Variants in NDUFAF2 observed in about 807,000 individuals in gnomAD.
NDUFAF2 encodes the protein NADH dehydrogenase [ubiquinone] 1 alpha subcomplex assembly factor 2.
In NDUFAF2, 13 loss-of-function variants were observed where a neutral mutation model predicts 22.8. The ratio of observed to expected loss-of-function variants is 0.57; its 90% CI spans 0.37 to 0.91. NDUFAF2 has a LOEUF of 0.91. NDUFAF2 is among the 40% of genes least tolerant of loss of function. The pLI is 0.01. For synonymous variants in NDUFAF2, 53 were observed against 64.2 expected (o/e 0.83, Z 0.84); for missense variants, 162 against 195.2 (o/e 0.83, Z 1.01).
chr5:61,119,174 G>T (rs188822807), intron 3 of NDUFAF2, among the ~76,000 whole-genome samples: 62 of 152,252 alleles, frequency 4.1e-4, no homozygotes, highest in African/African-American at 1.4e-3. Flanking sequence ...TGTGCATACA[G>T]AACGAATCAG....
chr5:60,986,709 T>C (rs1158399422), intron 1 of NDUFAF2, among the ~76,000 whole-genome samples: 1 of 151,998 alleles, frequency 6.6e-6, no homozygotes, highest in Non-Finnish European at 1.5e-5. Flanking sequence ...GGTGGGCAGA[T>C]CACAGGGTCA....
chr5:61,133,118 C>T (rs556526915), intron 3 of NDUFAF2, among the ~76,000 whole-genome samples: 14 of 152,266 alleles, frequency 9.2e-5, no homozygotes, highest in Admixed American at 6.5e-4. Context: ...AACCTCTTTC[C>T]AAGTTTTGGT....
At chr5:60,949,188 T>C (rs1366273287) in intron 1 of NDUFAF2, among the ~76,000 whole-genome samples, 1 of 152,210 alleles carries the variant, frequency 6.6e-6, no homozygotes, top group Non-Finnish European at 1.5e-5. Flanking sequence ...AACTCCCTCA[T>C]GCTACCTTTT....
intron 1 of NDUFAF2, among the ~76,000 whole-genome samples, chr5:61,036,692 C>T (rs771705024): frequency 6.6e-6 from 1 of 152,140 alleles, no homozygotes; most frequent in Non-Finnish European, 1.5e-5. Context: ...TTACCATTTC[C>T]AGTGCTGAAA....
chr5:61,143,032 G>C (rs1741080964), intron 3 of NDUFAF2, among the ~76,000 whole-genome samples: 1 of 152,126 alleles, frequency 6.6e-6, no homozygotes, highest in African/African-American at 2.4e-5. Context: ...CATTTGCTAG[G>C]CTTGAATTGT....
At position 60,981,391 on chromosome 5, in the gene NDUFAF2, G is replaced by T. The variant is rs1055773302; in HGVS notation, c.127+36009G>T. ...ACTTTCCCAGGCAAAATACCTGAGG[G>T]ACTTCATTGATCTCAGACCTGTTGT... On this transcript the variant is annotated intron_variant, in intron 1 of 3. Coordinates refer to ENST00000296597, the MANE Select transcript of NDUFAF2 (RefSeq NM_174889.5). Among the ~76,000 whole-genome samples, 6 of 152,306 alleles carry T rather than the reference G, an allele frequency of 3.9e-5. No individual in the cohort carries two copies. In the East Asian group the frequency reaches 1.2e-3, roughly 29 times the overall value.
chr5:61,028,545 CTG>C (rs1347428390), intron 1 of NDUFAF2, among the ~76,000 whole-genome samples: 15 of 152,214 alleles, frequency 9.9e-5, no homozygotes, highest in African/African-American at 3.6e-4. Flanking sequence ...TTGTTAATAA[CTG>C]CATATTTTCC....
At chr5:60,951,368 A>G (rs1750545793) in intron 1 of NDUFAF2, among the ~76,000 whole-genome samples, 1 of 152,144 alleles carries the variant, frequency 6.6e-6, no homozygotes, top group African/African-American at 2.4e-5. Flanking sequence ...ATTCTGTTGT[A>G]TGGTTAGAAC....
chr5:60,964,211 T>C (rs1249084719), intron 1 of NDUFAF2, among the ~76,000 whole-genome samples: 4 of 152,156 alleles, frequency 2.6e-5, no homozygotes, highest in Non-Finnish European at 2.9e-5. Context: ...TCACATACTT[T>C]CCCCAAATCA....
At chr5:61,135,360 CAAG>C (rs943654589) in intron 3 of NDUFAF2, among the ~76,000 whole-genome samples, 2 of 152,062 alleles carry the variant, frequency 1.3e-5, no homozygotes, top group Non-Finnish European at 1.5e-5. Flanking sequence ...GCAAAGAAAC[CAAG>C]AAGATTATGT....
chr5:61,086,491 C>A (rs1423959215), intron 2 of NDUFAF2, among the ~76,000 whole-genome samples: 3 of 152,032 alleles, frequency 2.0e-5, no homozygotes, highest in African/African-American at 7.2e-5. Flanking sequence ...CAGGAATTTT[C>A]TCACACTTAT....
intron 2 of NDUFAF2, among the ~76,000 whole-genome samples, chr5:61,085,899 G>C (rs893675769): frequency 6.6e-6 from 1 of 152,086 alleles, no homozygotes; most frequent in South Asian, 2.1e-4. Flanking sequence ...AGGATCACTT[G>C]AGGCCAGGAC....
chr5:60,979,975 C>T (rs1312791068), intron 1 of NDUFAF2, among the ~76,000 whole-genome samples: 1 of 151,996 alleles, frequency 6.6e-6, no homozygotes, highest in African/African-American at 2.4e-5. Context: ...CACAGAGACT[C>T]TGTTAAGGGA....
At chr5:60,986,411 T>G (rs978671465) in intron 1 of NDUFAF2, among the ~76,000 whole-genome samples, 8 of 152,160 alleles carry the variant, frequency 5.3e-5, no homozygotes, top group Admixed American at 1.3e-4. Flanking sequence ...AAGAAGTTAT[T>G]TGAAACTAAT....
At chr5:61,052,246 T>C (rs761542097) in intron 1 of NDUFAF2, among the ~76,000 whole-genome samples, 10 of 152,194 alleles carry the variant, frequency 6.6e-5, no homozygotes, top group Non-Finnish European at 1.3e-4. Flanking sequence ...CCTACACTCT[T>C]AATAACACTG....
In NDUFAF2 at chr5:61,136,005, T is replaced by TTATATATATATATA. The variant is rs57756292; in HGVS notation, c.259-16675_259-16662dup. Among the ~76,000 whole-genome samples, 573 of 95,772 alleles carry TTATATATATATATA rather than the reference T, an allele frequency of 6.0e-3. 16 individuals carry two copies. The highest frequency in any genetic ancestry group is 7.1e-3 in the Non-Finnish European group (353 of 49,672). The allele number at this position is 95,772 out of a possible 152,430, so 62.8% of individuals were successfully genotyped here. ...TTGGTCCCTACATCTAAGCCTGTCT[T>TTATATATATATATA]TATATATATATATATATATATATAT... On this transcript the variant is annotated intron_variant, in intron 3 of 3. Coordinates refer to ENST00000296597, the MANE Select transcript of NDUFAF2 (RefSeq NM_174889.5).
intron 2 of NDUFAF2, among the ~76,000 whole-genome samples, chr5:61,080,983 T>C (rs942712441): frequency 1.3e-5 from 2 of 152,164 alleles, no homozygotes; most frequent in African/African-American, 4.8e-5. Flanking sequence ...AAGTTTGGGG[T>C]TCTACAGTTT....
intron 3 of NDUFAF2, among the ~76,000 whole-genome samples, chr5:61,132,280 A>G (rs1046032101): frequency 5.9e-5 from 9 of 152,178 alleles, no homozygotes; most frequent in African/African-American, 2.2e-4. Flanking sequence ...ATATTGAGTG[A>G]TTGTGTACAT....
At chr5:61,106,841 T>C (rs575515302) in intron 3 of NDUFAF2, among the ~76,000 whole-genome samples, 2 of 151,174 alleles carry the variant, frequency 1.3e-5, no homozygotes, top group East Asian at 3.9e-4. Context: ...GTTCTATCCA[T>C]GTTGTTGCAA....
Sources: gnomAD v4.1 joint callset for allele counts (sites outside exome capture counted in the v4.1 genomes callset) on GRCh38, gnomAD v4.1.1 for gene constraint, MANE v1.5 for transcripts, NCBI Gene and HGNC (gene_info 2026-07-23, HGNC 2026-07-21) for gene names.